PDE9A: variants seen among roughly 807,000 people sequenced by gnomAD.
PDE9A encodes phosphodiesterase 9A.
Under a neutral mutation model 87.4 loss-of-function variants are expected in PDE9A, and 60 were observed. The ratio of observed to expected loss-of-function variants is 0.69; its 90% CI spans 0.56 to 0.85. The LOEUF (loss-of-function observed/expected upper bound fraction) is 0.85, where lower values mean the gene tolerates loss of function less well. PDE9A is among the 40% of genes least tolerant of loss of function. PDE9A has a pLI of 0.00. For missense variants in PDE9A, 665 were observed against 779.0 expected (o/e 0.85, Z 1.74); for synonymous variants, 272 against 279.4 (o/e 0.97, Z 0.27).
At chr21:42,663,808 G>A (rs886487828) in intron 1 of PDE9A, among the ~76,000 whole-genome samples, 1 of 152,168 alleles carries the variant, frequency 6.6e-6, no homozygotes, top group African/African-American at 2.4e-5. Flanking sequence ...TTTCTTCCAG[G>A]TAGTCGTCTG....
rs538854494 is a variant in PDE9A at position 42,705,960 on chromosome 21, G to A, written c.262+6949G>A. Among the ~76,000 whole-genome samples, 15 of 152,336 alleles carry A rather than the reference G, an allele frequency of 9.8e-5. No individual in the cohort carries two copies. The highest frequency in any genetic ancestry group is 1.9e-4 in the African/African-American group (8 of 41,578). ...TCCAGTTCCCAGCAGCTTTATTGGC[G>A]TTGCTGTTTCCATAGAAGGACAATA... On this transcript the variant is annotated intron_variant, in intron 4 of 19. Coordinates refer to ENST00000291539, the MANE Select transcript of PDE9A (RefSeq NM_002606.3). This position sits in a 1 kb window ranked among gnomAD's most constrained non-coding sequence, Gnocchi z 4.3.
intron 17 of PDE9A, among the ~76,000 whole-genome samples, chr21:42,770,164 C>A (rs1187421769): frequency 6.6e-6 from 1 of 152,124 alleles, no homozygotes; most frequent in Non-Finnish European, 1.5e-5. Context: ...CTCGTTCCTG[C>A]CCAGCTCCCC....
At chr21:42,658,519 C>T (rs746479098) in intron 1 of PDE9A, among the ~76,000 whole-genome samples, 10 of 152,224 alleles carry the variant, frequency 6.6e-5, no homozygotes, top group Non-Finnish European at 1.0e-4. Flanking sequence ...CTCCTGCCCA[C>T]GACATGGTCA....
At chr21:42,709,712 C>G (rs148136091) in intron 4 of PDE9A, among the ~76,000 whole-genome samples, 12 of 152,160 alleles carry the variant, frequency 7.9e-5, no homozygotes, top group Non-Finnish European at 1.5e-4. Context: ...GAGACAGGGT[C>G]TCACGCCTGT....
chr21:42,756,562 G>A (rs1488802504), intron 10 of PDE9A, among the ~76,000 whole-genome samples: 4 of 138,520 alleles, frequency 2.9e-5, no homozygotes, highest in Non-Finnish European at 6.3e-5. Context: ...AGGGCCCAGG[G>A]CTGTGGCCCG....
intron 1 of PDE9A, among the ~76,000 whole-genome samples, chr21:42,668,515 C>T (rs936930491): frequency 5.3e-5 from 8 of 152,234 alleles, no homozygotes; most frequent in Admixed American, 4.6e-4. Flanking sequence ...CCGTGAGAGT[C>T]CTGTGTGCAG....
At chr21:42,662,897 C>T (rs541730446) in intron 1 of PDE9A, among the ~76,000 whole-genome samples, 2 of 146,794 alleles carry the variant, frequency 1.4e-5, no homozygotes, top group East Asian at 4.2e-4. Context: ...CACAAAAACA[C>T]ACCACACACA....
chr21:42,741,572 G>A (rs7278553), intron 7 of PDE9A: 48,268 of 152,082 alleles, frequency 0.32, 8,415 homozygotes, highest in African/African-American at 0.46. Context: ...GGTGGAGAAG[G>A]TTTCTGTAGC....
At chr21:42,680,398 G>A (rs559760522) in intron 1 of PDE9A, among the ~76,000 whole-genome samples, 97 of 152,378 alleles carry the variant, frequency 6.4e-4, no homozygotes, top group African/African-American at 1.7e-3. Flanking sequence ...CAGAGGTCCC[G>A]TGTGCTGTCA....
Position 42,759,174 on chromosome 21 carries a change from T to A in PDE9A, c.897+89T>A. 1.1e-6 allele frequency: 1 copy of A among 928,528 alleles called. No homozygotes were observed. The allele number at this position is 928,528 out of a possible 1,614,324, so 57.5% of individuals were successfully genotyped here. On this transcript the variant is annotated intron_variant, in intron 11 of 19. Transcript: ENST00000291539. This position sits in a 1 kb window ranked among gnomAD's most constrained non-coding sequence, Gnocchi z 7.2. Reference sequence around the variant, plus strand: ...GGAGGGAATGGATCACCAGGGCACCTTCCGGATGGCACTGCGCTCCCTGTG... The same window carrying A: ...GGAGGGAATGGATCACCAGGGCACCATCCGGATGGCACTGCGCTCCCTGTG...
chr21:42,679,597 A>C (rs3819900), intron 1 of PDE9A, among the ~76,000 whole-genome samples: 45,491 of 152,018 alleles, frequency 0.3, 7,296 homozygotes, highest in African/African-American at 0.42. Flanking sequence ...CTCACCCTGC[A>C]AGCAGCACCA....
At chr21:42,727,899 A>C (rs1420729023) in intron 4 of PDE9A, among the ~76,000 whole-genome samples, 1 of 152,028 alleles carries the variant, frequency 6.6e-6, no homozygotes, top group Non-Finnish European at 1.5e-5. Context: ...TGCCTATTGC[A>C]CTGGCTAGGA....
intron 1 of PDE9A, among the ~76,000 whole-genome samples, chr21:42,676,708 C>T (rs143661053): frequency 0.011 from 1,637 of 152,314 alleles, 14 homozygotes; most frequent in Non-Finnish European, 0.017. Context: ...TGGGGCAGTG[C>T]GTCACCTTCT....
chr21:42,733,291 A>C, intron 6 of PDE9A, 65 bp from the exon 7 acceptor site: 4 of 924,690 alleles, frequency 4.3e-6, no homozygotes, highest in South Asian at 1.3e-5. Context: ...GTGTTTGCTT[A>C]ACCGGTTTTG....
At position 42,705,110 on chromosome 21, in the gene PDE9A, A is replaced by G. The variant is rs751588263; in HGVS notation, c.262+6099A>G. ...ACAGCCTCGTTCTCCAGCGTAGAGT[A>G]GAAGGAATGGCCCCGTCCACGCGAA... On this transcript the variant is annotated intron_variant, in intron 4 of 19. Coordinates refer to ENST00000291539, the MANE Select transcript of PDE9A (RefSeq NM_002606.3). The surrounding 1 kb of genome is among the most constrained non-coding windows in gnomAD (Gnocchi z 4.3). 1.3e-5 allele frequency among the ~76,000 whole-genome samples: 2 copies of G among 152,188 alleles called. No individual in the cohort carries two copies. Among genetic ancestry groups the G allele is most frequent in the Non-Finnish European group, 2.9e-5 (2 of 68,030 alleles).
chr21:42,760,837 C>T lies in PDE9A; in HGVS notation c.1015C>T (p.Gln339Ter). Reference sequence around the variant, plus strand: ...TTTTCCAATCCAGGAGAAGTTCTCACAAACGGATATCCTGATCCTAATGAC... The same window carrying T: ...TTTTCCAATCCAGGAGAAGTTCTCATAAACGGATATCCTGATCCTAATGAC... Reference protein sequence around the residue: ...WLCSLQEKFSQTDILILMTAA... With the variant: ...WLCSLQEKFS Residue 339 changes from glutamine (Q) to a stop codon, truncating the protein, a stop_gained, in exon 13 of 20, where the codon CAA (glutamine) becomes TAA (stop). Transcript: ENST00000291539. LOFTEE classifies it high-confidence loss of function. The surrounding 1 kb of genome is among the most constrained non-coding windows in gnomAD (Gnocchi z 5.2). 2 of 1,609,100 alleles carry T rather than the reference C, an allele frequency of 1.2e-6. No individual in the cohort carries two copies. Among genetic ancestry groups the T allele is most frequent in the East Asian group, 2.2e-5 (1 of 44,836 alleles).
At chr21:42,773,482 T>C (rs1456074850) in intron 19 of PDE9A, among the ~76,000 whole-genome samples, 2 of 152,200 alleles carry the variant, frequency 1.3e-5, no homozygotes, top group Non-Finnish European at 2.9e-5. Context: ...TCACGGGGAA[T>C]GCAGAGCAGC....
At chr21:42,714,016 A>ATTTTTTTTTTTTTTTTTTTTT (rs11403559) in intron 4 of PDE9A, among the ~76,000 whole-genome samples, 1 of 90,430 alleles carries the variant, frequency 1.1e-5, no homozygotes, top group African/African-American at 4.6e-5. Flanking sequence ...TTTCATTCCA[A>ATTTTTTTTTTTTTTTTTTTTT]TTTTTTTTTT....
At position 42,686,243 on chromosome 21, in the gene PDE9A, A is replaced by G. The variant is rs754090986; in HGVS notation, c.121A>G (p.Ile41Val). 6.2e-7 allele frequency: 1 copy of G among 1,613,810 alleles called. No individual in the cohort carries two copies. The highest frequency in any genetic ancestry group is 8.5e-7 in the Non-Finnish European group (1 of 1,179,754). Reference protein sequence around the residue: ...NSSDIMDLFCIATGLPRNTTI... With the variant: ...NSSDIMDLFCVATGLPRNTTI... ...CAGCGACATCATGGACCTGTTCTGC[A>G]TCGCCACCGGCCTGCCTCGGTGAGT... is the stretch of plus-strand genomic sequence containing the variant. The change falls in exon 2 of 20, where the codon ATC becomes GTC. Residue 41 changes from isoleucine (I) to valine (V), a missense_variant. By Grantham distance (29) the Ile-to-Val change is conservative. Coordinates refer to ENST00000291539, the MANE Select transcript of PDE9A (RefSeq NM_002606.3).
Sources: gnomAD v4.1 joint callset for allele counts (sites outside exome capture counted in the v4.1 genomes callset) on GRCh38, gnomAD v4.1.1 for gene constraint, Gnocchi (gnomAD v3.1) non-coding constraint, MANE v1.5 for transcripts, NCBI Gene and HGNC (gene_info 2026-07-23, HGNC 2026-07-21) for gene names.